The following CLSPN variants were observed in gnomAD, a reference collection of about 807,000 sequenced individuals.
CLSPN encodes claspin.
A neutral mutation model predicts 156.3 loss-of-function variants in CLSPN; 85 were observed. The ratio of observed to expected loss-of-function variants is 0.54; its 90% CI spans 0.46 to 0.65. CLSPN has a LOEUF of 0.65. CLSPN is among the 30% of genes least tolerant of loss of function. CLSPN has a pLI of 0.00. For missense variants in CLSPN, 1,407 were observed against 1,554.9 expected (o/e 0.90, Z 1.60); for synonymous variants, 534 against 542.4 (o/e 0.98, Z 0.22).
rs116111500 is a variant in CLSPN, at chr1:35,761,191, G to A, written c.909C>T (p.Asn303=). The A allele has an allele frequency of 1.9e-6, 3 of 1,605,618 alleles. No homozygotes were observed. Among genetic ancestry groups the A allele is most frequent in the African/African-American group, 2.7e-5 (2 of 74,732 alleles). Residue 303 remains asparagine, a synonymous_variant, in exon 7 of 25, where the codon AAC becomes AAT. Coordinates refer to ENST00000318121, the MANE Select transcript of CLSPN (RefSeq NM_022111.4). The part of the protein sequence containing the change: ...TQRLIRESAL[N]LPYHMPENKT... The stretch of plus-strand genomic sequence containing the variant: ...TATTCTCAGGCATATGATATGGAAG[G>A]TTCAGTGCAGACTCTATAAAATGGA...
At position 35,765,245 on chromosome 1, in the gene CLSPN, C is replaced by T. The variant is rs370642877; in HGVS notation, c.106G>A (p.Glu36Lys). The change falls in exon 2 of 25, where the codon GAA becomes AAA. Residue 36 changes from glutamate (E) to lysine (K), a missense_variant. Transcript: ENST00000318121. ...SPSDSGQGSY[E>K]TIGPLSEGDS... ...CCTTCACTCAAGGGTCCAATTGTTT[C>T]ATAGCTGCCCTGTCCACTATCTGAA... 5 of 1,613,252 alleles carry T rather than the reference C, an allele frequency of 3.1e-6. No individual in the cohort carries two copies. The African/African-American group carries it at 5.3e-5, about 17-fold the overall frequency.
chr1:35,736,875 G>C, intron 24 of CLSPN, 39 bp downstream of exon 24: 2 of 1,582,300 alleles, frequency 1.3e-6, no homozygotes, highest in Non-Finnish European at 1.7e-6. Context: ...AATAAATTCT[G>C]GTTTGGGAAG....
intron 5 of CLSPN, 94 bp from the exon 6 acceptor site, chr1:35,762,164 GAGGAA>G: frequency 9.8e-7 from 1 of 1,016,910 alleles, no homozygotes; most frequent in Non-Finnish European, 1.5e-6. Flanking sequence ...TCCAAGAAAA[GAGGAA>G]AGGAAATAGT....
intron 18 of CLSPN, 68 bp downstream of exon 18, chr1:35,743,073 C>T: frequency 8.3e-7 from 1 of 1,198,080 alleles, no homozygotes; most frequent in Non-Finnish European, 1.2e-6. Context: ...AGGCGCAAGC[C>T]ACCATGCCTG....
chr1:35,746,061 T>C lies in CLSPN; in HGVS notation c.2855-499A>G, dbSNP rs1399658948. On this transcript the variant is annotated intron_variant, in intron 15 of 24. Coordinates refer to ENST00000318121, the MANE Select transcript of CLSPN (RefSeq NM_022111.4). This position sits in a 1 kb window ranked among gnomAD's most constrained non-coding sequence, Gnocchi z 4.2. ...CCGGGGTTCAAGCAGTTCTCCTGTC[T>C]CAGCCTCCCAAGTAGCTGCGATTAC... Among the ~76,000 whole-genome samples, 1 of 152,066 alleles carries C rather than the reference T, an allele frequency of 6.6e-6. No individual in the cohort carries two copies. The highest frequency in any genetic ancestry group is 1.5e-5 in the Non-Finnish European group (1 of 68,014).
chr1:35,738,305 C>G, intron 21 of CLSPN, 150 bp downstream of exon 21: 1 of 860,004 alleles, frequency 1.2e-6, no homozygotes, highest in Non-Finnish European at 1.7e-6. Flanking sequence ...ATAGCCTTCT[C>G]AAAACACAAA....
At chr1:35,750,298 C>A (rs1032989884) in intron 10 of CLSPN, among the ~76,000 whole-genome samples, 1 of 151,572 alleles carries the variant, frequency 6.6e-6, no homozygotes, top group Admixed American at 6.6e-5. Flanking sequence ...GAGTTCGAGA[C>A]CAGTCTGGTC....
At position 35,737,382 on chromosome 1, in the gene CLSPN, A is replaced by G; in HGVS notation, c.3704T>C (p.Leu1235Pro). The part of the protein sequence containing the change: ...PMVIQESKSL[L>P]RNPFEAIRPG... ...TCTGATGGCTTCAAAAGGATTTCTG[A>G]GCAAAGACTTTGATTCCTGAATAAC... The change falls in exon 23 of 25, where the codon CTC (leucine) becomes CCC (proline). Residue 1235 changes from leucine (L) to proline (P), a missense_variant. Transcript: ENST00000318121. The G allele has an allele frequency of 2.5e-6, 4 of 1,614,116 alleles. No individual in the cohort carries two copies. The South Asian group carries it at 3.3e-5, about 13-fold the overall frequency.
At chr1:35,753,679 A>G (rs1557515868) in intron 9 of CLSPN, 66 bp downstream of exon 9, 2 of 1,439,184 alleles carry the variant, frequency 1.4e-6, no homozygotes, top group Admixed American at 3.8e-5. Flanking sequence ...AAGGTTTTCA[A>G]TAGCCTTGAA....
Position 35,760,465 on chromosome 1 carries a change from GT to G in CLSPN, c.1455del (p.Pro486LeufsTer4). 6.2e-7 allele frequency: 1 copy of G among 1,614,106 alleles called. No individual in the cohort carries two copies. The highest frequency in any genetic ancestry group is 1.7e-5 in the Admixed American group (1 of 60,014). Reference protein sequence around the residue: ...EQQNKSSAVGPPEKVRRFTLD... With the variant: ...EQQNKSSAVGXPEKVRRFTLD... ...AGAGTAAACCGTCTCACTTTTTCAG[GT>G]GGCCCAACTGCTGATGATTTATTTT... is the stretch of plus-strand genomic sequence containing the variant. On this transcript the variant is annotated frameshift_variant, in exon 8 of 25. Coordinates refer to ENST00000318121, the MANE Select transcript of CLSPN (RefSeq NM_022111.4). LOFTEE classifies it high-confidence loss of function.
rs1641600707 is a variant in CLSPN at position 35,739,211 on chromosome 1, CT to C, written c.3354del (p.Glu1119ArgfsTer17). On this transcript the variant is annotated frameshift_variant, in exon 20 of 25. Coordinates refer to ENST00000318121, the MANE Select transcript of CLSPN (RefSeq NM_022111.4). LOFTEE classifies it high-confidence loss of function. Reference sequence around the variant, plus strand: ...AGATCCCCATCAGCAAGGTACCTCTCTTGGTATAAACGTAGCTGTCGCTTAT... The same window carrying C: ...AGATCCCCATCAGCAAGGTACCTCTCTGGTATAAACGTAGCTGTCGCTTAT... ...DDDKRQLRLY[Q>X]ERYLADGDLH... 6.2e-7 allele frequency: 1 copy of C among 1,614,196 alleles called. No homozygotes were observed. The highest frequency in any genetic ancestry group is 8.5e-7 in the Non-Finnish European group (1 of 1,180,036).
At position 35,734,205 on chromosome 1, in the gene CLSPN, G is replaced by T; in HGVS notation, c.*2291C>A. 3 of 985,406 alleles carry T rather than the reference G, an allele frequency of 3.0e-6. No homozygotes were observed. The highest frequency in any genetic ancestry group is 3.6e-6 in the Non-Finnish European group (3 of 829,920). The allele number at this position is 985,406 out of a possible 1,614,324, so 61.0% of individuals were successfully genotyped here. A position where few individuals can be genotyped will look rare whatever the true frequency, so the allele number is the denominator to read the frequency against. Reference sequence around the variant, plus strand: ...GAAAATGAAATGCTCCTCAAGGTTAGACAGGCACTGACCCAAGAATGAGCA... The same window carrying T: ...GAAAATGAAATGCTCCTCAAGGTTATACAGGCACTGACCCAAGAATGAGCA... On this transcript the variant is annotated 3_prime_UTR_variant, in exon 25 of 25. Coordinates refer to ENST00000318121, the MANE Select transcript of CLSPN (RefSeq NM_022111.4).
chr1:35,724,678 T>C (rs907229900), intron 24 of CLSPN, among the ~76,000 whole-genome samples: 1 of 152,202 alleles, frequency 6.6e-6, no homozygotes, highest in African/African-American at 2.4e-5. Context: ...GCCTTAAAAA[T>C]TGTTCAATAA....
At position 35,735,209 on chromosome 1, in the gene CLSPN, T is replaced by G; in HGVS notation, c.*1287A>C. On this transcript the variant is annotated 3_prime_UTR_variant, in exon 25 of 25. Coordinates refer to ENST00000318121, the MANE Select transcript of CLSPN (RefSeq NM_022111.4). ...CCCACAGACTGTGGTGGACAAACAC[T>G]GGGTGTAACACTTTATCTTCATCCC... The G allele has an allele frequency of 1.2e-5, 12 of 985,434 alleles. No individual in the cohort carries two copies. The highest frequency in any genetic ancestry group is 1.4e-5 in the Non-Finnish European group (12 of 829,932). 61.0% of individuals were successfully genotyped at this position (985,434 alleles called of 1,614,324 possible). A position where few individuals can be genotyped will look rare whatever the true frequency, so the allele number is the denominator to read the frequency against.
In CLSPN at chr1:35,735,001, G is replaced by A. The variant is rs1417646655; in HGVS notation, c.*1495C>T. The stretch of plus-strand genomic sequence containing the variant: ...AATAATATTTTTATTAAATTCCATG[G>A]TGGCCTTCTCTCAAAATTAGTAATG... On this transcript the variant is annotated 3_prime_UTR_variant, in exon 25 of 25. Coordinates refer to ENST00000318121, the MANE Select transcript of CLSPN (RefSeq NM_022111.4). The A allele has an allele frequency of 1.0e-6, 1 of 985,202 alleles. No individual in the cohort carries two copies. Among genetic ancestry groups the A allele is most frequent in the African/African-American group, 1.7e-5 (1 of 57,240 alleles). The allele number at this position is 985,202 out of a possible 1,614,324, so 61.0% of individuals were successfully genotyped here. A position where few individuals can be genotyped will look rare whatever the true frequency, so the allele number is the denominator to read the frequency against.
chr1:35,758,579 A>T (rs1642363609), intron 8 of CLSPN, among the ~76,000 whole-genome samples: 1 of 151,798 alleles, frequency 6.6e-6, no homozygotes, highest in African/African-American at 2.4e-5. Context: ...CAGGAGGCGG[A>T]GGTTGCAGTG....
chr1:35,769,005 A>C (rs1642769922), intron 1 of CLSPN, among the ~76,000 whole-genome samples: 1 of 152,174 alleles, frequency 6.6e-6, no homozygotes, highest in Non-Finnish European at 1.5e-5. Context: ...AATAAAGTTT[A>C]TTGGAAACAG....
chr1:35,737,963 C>T (rs1641532317), intron 22 of CLSPN, 29 bp downstream of exon 22: 3 of 1,261,478 alleles, frequency 2.4e-6, no homozygotes, highest in East Asian at 5.2e-5. Flanking sequence ...ATCCAGGGGG[C>T]TAGACCCTAA....
chr1:35,732,831 G>C lies in CLSPN; in HGVS notation c.*3665C>G, dbSNP rs1252312261. The C allele has an allele frequency of 5.1e-6, 5 of 985,296 alleles. No individual in the cohort carries two copies. The African/African-American group carries it at 8.7e-5, about 17-fold the overall frequency. The allele number at this position is 985,296 out of a possible 1,614,324, so 61.0% of individuals were successfully genotyped here. A position where few individuals can be genotyped will look rare whatever the true frequency, so the allele number is the denominator to read the frequency against. The stretch of plus-strand genomic sequence containing the variant: ...GATTGAAACTGTCCATGTCAATCCT[G>C]TTACCAAGATCAAGGCTTAGCTTAC... On this transcript the variant is annotated 3_prime_UTR_variant, in exon 25 of 25. Coordinates refer to ENST00000318121, the MANE Select transcript of CLSPN (RefSeq NM_022111.4).
Sources: gnomAD v4.1 joint callset for allele counts (sites outside exome capture counted in the v4.1 genomes callset) on GRCh38, gnomAD v4.1.1 for gene constraint, Gnocchi (gnomAD v3.1) non-coding constraint, MANE v1.5 for transcripts, NCBI Gene and HGNC (gene_info 2026-07-23, HGNC 2026-07-21) for gene names.